Variants in PAPLN observed in about 807,000 individuals in gnomAD.
The protein encoded by PAPLN is papilin, proteoglycan like sulfated glycoprotein.
PAPLN carries 146 observed loss-of-function variants against 159.0 expected under a neutral mutation model. The ratio of observed to expected loss-of-function variants is 0.92; its 90% CI spans 0.80 to 1.05. PAPLN has a LOEUF of 1.05. PAPLN is among the 50% of genes least tolerant of loss of function. The probability of loss-of-function intolerance (pLI) is 0.00; values close to 1 mark genes in which losing one functional copy is unlikely to be tolerated. For missense variants in PAPLN, 1,720 were observed against 1,743.9 expected (o/e 0.99, Z 0.24); for synonymous variants, 734 against 702.9 (o/e 1.04, Z -0.70).
Position 73,252,693 on chromosome 14 carries a change from T to C in PAPLN, c.1012T>C (p.Tyr338His). The C allele has an allele frequency of 6.2e-7, 1 of 1,613,460 alleles. No individual in the cohort carries two copies. Among genetic ancestry groups the C allele is most frequent in the Non-Finnish European group, 8.5e-7 (1 of 1,180,008 alleles). Residue 338 changes from tyrosine to histidine, a missense_variant, in exon 11 of 27, where the codon TAC becomes CAC. Physicochemically the swap from Tyr to His is moderately conservative, Grantham distance 83 (BLOSUM62 2). Coordinates refer to ENST00000644200, the MANE Select transcript of PAPLN (RefSeq NM_001365906.3). Reference protein sequence around the residue: ...LVFCTIDHEAYPDHMCQRQPR... With the variant: ...LVFCTIDHEAHPDHMCQRQPR... ...GTTCTGCACCATCGACCATGAGGCC[T>C]ACCCCGACCACATGTGCCAGCGCCA...
At position 73,262,383 on chromosome 14, in the gene PAPLN, A is replaced by C; in HGVS notation, c.2279A>C (p.His760Pro). 6.2e-7 allele frequency: 1 copy of C among 1,613,876 alleles called. No homozygotes were observed. The change falls in exon 19 of 27, where the codon CAT (histidine) becomes CCT (proline). Residue 760 changes from histidine (H) to proline (P), a missense_variant. Physicochemically the swap from His to Pro is moderately conservative, Grantham distance 77 (BLOSUM62 -2). Transcript: ENST00000644200. ...YPVRCLLPSAHGSCADWAARW... is the reference protein window; with the variant it reads ...YPVRCLLPSAPGSCADWAARW... ...GTGCGGTGCCTGCTGCCCAGTGCCC[A>C]TGGCTCTTGCGCAGACTGGGCTGCC...
intron 26 of PAPLN, among the ~76,000 whole-genome samples, chr14:73,269,642 C>T (rs1217079279): frequency 6.6e-6 from 1 of 152,186 alleles, no homozygotes; most frequent in African/African-American, 2.4e-5. Context: ...TTTGCTCGTC[C>T]CCCAGCCTGT....
intron 26 of PAPLN, among the ~76,000 whole-genome samples, chr14:73,270,907 G>A (rs1887660049): frequency 6.6e-6 from 1 of 152,146 alleles, no homozygotes. Flanking sequence ...TGGTTGGGTG[G>A]CACATTGAAT....
intron 12 of PAPLN, 57 bp from the exon 13 acceptor site, chr14:73,254,456 A>G: frequency 4.4e-6 from 7 of 1,590,376 alleles, no homozygotes; most frequent in Non-Finnish European, 6.0e-6. Context: ...AGCTGTCCGA[A>G]CTGGCGTGGC....
chr14:73,267,933 G>T (rs1013549047), intron 25 of PAPLN, among the ~76,000 whole-genome samples: 3 of 152,112 alleles, frequency 2.0e-5, no homozygotes, highest in African/African-American at 4.8e-5. Flanking sequence ...GCCTCTGCCT[G>T]TTCATCTCCC....
intron 16 of PAPLN, among the ~76,000 whole-genome samples, chr14:73,260,464 A>G (rs1457631326): frequency 2.0e-5 from 3 of 152,152 alleles, no homozygotes; most frequent in African/African-American, 7.2e-5. Context: ...TCTGCCAGTT[A>G]TGAGGGGTAC....
intron 5 of PAPLN, among the ~76,000 whole-genome samples, chr14:73,246,397 A>ATTTTT (rs531973214): frequency 1.2e-5 from 1 of 84,654 alleles, no homozygotes; most frequent in Admixed American, 1.3e-4. Context: ...TACCCGACCA[A>ATTTTT]TTTTTTTTTT....
intron 26 of PAPLN, among the ~76,000 whole-genome samples, chr14:73,269,855 CAG>C (rs34092860): frequency 0.14 from 20,884 of 152,140 alleles, 1,700 homozygotes; most frequent in South Asian, 0.22. Context: ...CGGTTACACT[CAG>C]AGGGGCAGGC....
chr14:73,246,397 A>ATT (rs531973214), intron 5 of PAPLN, among the ~76,000 whole-genome samples: 39 of 84,640 alleles, frequency 4.6e-4, no homozygotes, highest in African/African-American at 1.1e-3. Context: ...TACCCGACCA[A>ATT]TTTTTTTTTT....
At chr14:73,256,492 A>G (rs1459573607) in intron 14 of PAPLN, among the ~76,000 whole-genome samples, 1 of 140,786 alleles carries the variant, frequency 7.1e-6, no homozygotes, top group Non-Finnish European at 1.5e-5. Context: ...AGATCACGCC[A>G]TTGAACTCCA....
At chr14:73,264,022 G>A (rs1387176257) in intron 20 of PAPLN, 189 bp from the exon 21 acceptor site, 2 of 1,499,934 alleles carry the variant, frequency 1.3e-6, no homozygotes, top group African/African-American at 2.9e-5. Context: ...TCACGTGACA[G>A]CTCCCTCCAC....
At chr14:73,247,771 C>T (rs1294158765) in intron 5 of PAPLN, among the ~76,000 whole-genome samples, 39 of 84,278 alleles carry the variant, frequency 4.6e-4, no homozygotes, top group Non-Finnish European at 6.2e-4. Context: ...TGGCAGTGGG[C>T]GTGGCCCAGT....
At chr14:73,263,100 C>G (rs1566702311) in intron 19 of PAPLN, 1 of 396,776 alleles carries the variant, frequency 2.5e-6, no homozygotes, top group Non-Finnish European at 4.4e-6. Flanking sequence ...ACCCCGGGGC[C>G]TGTCTGGCTG....
At chr14:73,272,018 T>C (rs144968811) in intron 26 of PAPLN, among the ~76,000 whole-genome samples, 26 of 152,284 alleles carry the variant, frequency 1.7e-4, no homozygotes, top group African/African-American at 5.5e-4. Context: ...GCTGGTGATA[T>C]TGAAGGGACA....
At position 73,245,415 on chromosome 14, in the gene PAPLN, A is replaced by C; in HGVS notation, c.171-221A>C. On this transcript the variant is annotated intron_variant, in intron 3 of 26. Coordinates refer to ENST00000644200, the MANE Select transcript of PAPLN (RefSeq NM_001365906.3). The surrounding 1 kb of genome is among the most constrained non-coding windows in gnomAD (Gnocchi z 4.2). ...GTGGAGTGGTCCCGCCTTAAATCCA[A>C]ACTATAGGGTGGGTAGGGCTCTGAG... 3.5e-6 allele frequency: 2 copies of C among 566,146 alleles called. No individual in the cohort carries two copies. Among genetic ancestry groups the C allele is most frequent in the Non-Finnish European group, 3.2e-6 (1 of 317,112 alleles). The allele number at this position is 566,146 out of a possible 1,614,324, so 35.1% of individuals were successfully genotyped here.
At chr14:73,239,709 C>G (rs2140171538) in intron 1 of PAPLN, 64 bp from the exon 2 acceptor site, 10 of 1,533,374 alleles carry the variant, frequency 6.5e-6, no homozygotes, top group Admixed American at 3.9e-5. Flanking sequence ...CCCACACACT[C>G]TCGCCCGCGC....
chr14:73,262,470 G>C lies in PAPLN; in HGVS notation c.2366G>C (p.Gly789Ala). Reference protein sequence around the residue: ...CNRFWYGGCHGNANNFASEQE... With the variant: ...CNRFWYGGCHANANNFASEQE... ...CGCTTCTGGTATGGCGGCTGCCATG[G>C]CAATGCCAATAACTTTGCCTCGGAG... The change falls in exon 19 of 27, where the codon GGC becomes GCC. Residue 789 changes from glycine (G) to alanine (A), a missense_variant. Coordinates refer to ENST00000644200, the MANE Select transcript of PAPLN (RefSeq NM_001365906.3). The C allele has an allele frequency of 1.2e-6, 2 of 1,609,650 alleles. No homozygotes were observed. Among genetic ancestry groups the C allele is most frequent in the Non-Finnish European group, 1.7e-6 (2 of 1,177,950 alleles).
At chr14:73,270,763 T>C (rs1199910417) in intron 26 of PAPLN, among the ~76,000 whole-genome samples, 1 of 152,170 alleles carries the variant, frequency 6.6e-6, no homozygotes, top group Non-Finnish European at 1.5e-5. Context: ...TGAAATGGCC[T>C]GAGATGTGTG....
intron 18 of PAPLN, 73 bp downstream of exon 18, chr14:73,261,367 G>GGACCAAA: frequency 6.5e-7 from 1 of 1,547,666 alleles, no homozygotes; most frequent in Non-Finnish European, 8.7e-7. Flanking sequence ...CCCCCACCCA[G>GGACCAAA]GACCAAAGAC....
Sources: gnomAD v4.1 joint callset for allele counts (sites outside exome capture counted in the v4.1 genomes callset) on GRCh38, gnomAD v4.1.1 for gene constraint, Gnocchi (gnomAD v3.1) non-coding constraint, MANE v1.5 for transcripts, NCBI Gene and HGNC (gene_info 2026-07-23, HGNC 2026-07-21) for gene names.